Variants in RAB28 observed in about 807,000 individuals in gnomAD.
RAB28 encodes the protein RAB28, member RAS oncogene family, also known as ras-related protein Rab-28.
Under a neutral mutation model 31.7 loss-of-function variants are expected in RAB28, and 24 were observed. The observed-to-expected ratio is 0.76, with a 90% CI of 0.55 to 1.06. The LOEUF is 1.06. Ranked by LOEUF, RAB28 falls within the 50% of genes least tolerant of loss-of-function variation. RAB28 has a pLI of 0.00. For missense variants in RAB28, 254 were observed against 258.5 expected, an observed-to-expected ratio of 0.98 and a Z score of 0.12; for synonymous variants, 100 against 90.4, an observed-to-expected ratio of 1.11 and a Z score of -0.60.
At chr4:13,481,062 A>G (rs1248824065) in intron 1 of RAB28, among the ~76,000 whole-genome samples, 1 of 152,042 alleles carries the variant, frequency 6.6e-6, no homozygotes, top group South Asian at 2.1e-4. Flanking sequence ...CATGTGTAAC[A>G]TTCACGTAAT....
At chr4:13,445,414 G>T (rs1427443191) in intron 4 of RAB28, among the ~76,000 whole-genome samples, 1 of 152,036 alleles carries the variant, frequency 6.6e-6, no homozygotes, top group Non-Finnish European at 1.5e-5. Flanking sequence ...CTGGAGAAGT[G>T]TTGCGATCAT....
chr4:13,422,166 G>C (rs1195097867), intron 4 of RAB28, among the ~76,000 whole-genome samples: 2 of 152,072 alleles, frequency 1.3e-5, no homozygotes, highest in Non-Finnish European at 2.9e-5. Flanking sequence ...CATCATCACT[G>C]GCCATCAGAG....
intron 4 of RAB28, among the ~76,000 whole-genome samples, chr4:13,391,848 T>C (rs938389565): frequency 6.7e-6 from 1 of 149,238 alleles, no homozygotes. Flanking sequence ...AGGTGGGAAC[T>C]GAACAATGAG....
chr4:13,370,993 A>G, intron 6 of RAB28: 1 of 983,912 alleles, frequency 1.0e-6, no homozygotes, highest in Non-Finnish European at 1.2e-6. Flanking sequence ...TATCCATGTG[A>G]TTGCAAATAA....
At position 13,455,102 on chromosome 4, in the gene RAB28, T is replaced by G. The variant is rs138106236; in HGVS notation, c.391+5597A>C. On this transcript the variant is annotated intron_variant, in intron 4 of 6. Transcript: ENST00000330852. ...CACAGTTGCTAGGTCAGCCTGGGGA[T>G]GTATTTGCCAGGGGCAGCCTATGGA... Among the ~76,000 whole-genome samples the G allele has an allele frequency of 6.6e-5, 10 of 152,244 alleles. No individual in the cohort carries two copies. The East Asian group carries it at 1.9e-3, about 29-fold the overall frequency.
chr4:13,419,426 C>T (rs1010006080), intron 4 of RAB28, among the ~76,000 whole-genome samples: 2 of 152,200 alleles, frequency 1.3e-5, no homozygotes, highest in African/African-American at 4.8e-5. Flanking sequence ...GAACTCTCCA[C>T]CCCAAATCAA....
chr4:13,392,859 AAT>A (rs1219006995), intron 4 of RAB28, among the ~76,000 whole-genome samples: 6 of 152,346 alleles, frequency 3.9e-5, no homozygotes, highest in Admixed American at 2.6e-4. Flanking sequence ...GTAAACAATA[AAT>A]ATAGTGAGTG....
chr4:13,373,864 C>T (rs1210420593), intron 6 of RAB28, among the ~76,000 whole-genome samples: 1 of 151,988 alleles, frequency 6.6e-6, no homozygotes, highest in Non-Finnish European at 1.5e-5. Context: ...AAAGTACTTT[C>T]AAACATTCCC....
At position 13,472,831 on chromosome 4, in the gene RAB28, G is replaced by GAATA. The variant is rs56310587; in HGVS notation, c.261+1483_261+1486dup. The stretch of plus-strand genomic sequence containing the variant: ...CTTTAATCAGTTTAAAACAGAAAAT[G>GAATA]AATAAATAAATAAATAAAACAAAAA... On this transcript the variant is annotated intron_variant, in intron 3 of 6. Transcript: ENST00000330852. Among the ~76,000 whole-genome samples the GAATA allele has an allele frequency of 1.7e-3, 257 of 150,290 alleles. 2 individuals carry two copies. The highest frequency in any genetic ancestry group is 5.2e-3 in the African/African-American group (213 of 41,130).
At chr4:13,483,093 T>C (rs1453274273) in intron 1 of RAB28, among the ~76,000 whole-genome samples, 2 of 152,072 alleles carry the variant, frequency 1.3e-5, no homozygotes, top group Non-Finnish European at 2.9e-5. Context: ...GACAGAAGCA[T>C]GGGAAAGAAG....
chr4:13,426,291 C>A (rs954757255), intron 4 of RAB28, among the ~76,000 whole-genome samples: 1 of 152,116 alleles, frequency 6.6e-6, no homozygotes, highest in East Asian at 1.9e-4. Context: ...CAGGTTACCA[C>A]CTCATCTCAT....
intron 4 of RAB28, among the ~76,000 whole-genome samples, chr4:13,427,857 G>A (rs1713594029): frequency 1.3e-5 from 2 of 152,186 alleles, no homozygotes; most frequent in African/African-American, 2.4e-5. Flanking sequence ...AGGACAAGCC[G>A]CGACAAAACC....
chr4:13,401,005 G>A (rs1157519084), intron 4 of RAB28, among the ~76,000 whole-genome samples: 1 of 152,096 alleles, frequency 6.6e-6, no homozygotes, highest in Non-Finnish European at 1.5e-5. Flanking sequence ...ATGTTCATGA[G>A]GAATATTGGT....
chr4:13,479,850 C>A lies in RAB28; in HGVS notation c.76-324G>T, dbSNP rs142321866. On this transcript the variant is annotated intron_variant, in intron 1 of 6. Transcript: ENST00000330852. ...AACTAAAAAATAAATAAATAAAGAT[C>A]TGAATTATTTTAAAACATAATTAAA... is the stretch of plus-strand genomic sequence containing the variant. Among the ~76,000 whole-genome samples, 1,369 of 151,624 alleles carry A rather than the reference C, an allele frequency of 9.0e-3. 10 individuals are homozygous for A. The highest frequency in any genetic ancestry group is 0.015 in the Non-Finnish European group (998 of 67,594).
At chr4:13,481,068 G>A (rs965824576) in intron 1 of RAB28, among the ~76,000 whole-genome samples, 2 of 151,914 alleles carry the variant, frequency 1.3e-5, no homozygotes, top group Non-Finnish European at 2.9e-5. Flanking sequence ...TAACATTCAC[G>A]TAATGTCATT....
At chr4:13,483,042 G>A (rs774241381) in intron 1 of RAB28, among the ~76,000 whole-genome samples, 1 of 152,164 alleles carries the variant, frequency 6.6e-6, no homozygotes, top group Non-Finnish European at 1.5e-5. Context: ...GTACAGGGGT[G>A]ATAAACTTTA....
At chr4:13,428,908 G>C (rs1713658351) in intron 4 of RAB28, among the ~76,000 whole-genome samples, 1 of 149,742 alleles carries the variant, frequency 6.7e-6, no homozygotes, top group Non-Finnish European at 1.5e-5. Flanking sequence ...AAATGCCGAA[G>C]AAGCATTTGG....
At chr4:13,424,010 T>C (rs1034420691) in intron 4 of RAB28, among the ~76,000 whole-genome samples, 2 of 151,956 alleles carry the variant, frequency 1.3e-5, no homozygotes, top group African/African-American at 4.8e-5. Context: ...GTATAACAAA[T>C]GCTCTGTCCG....
At chr4:13,438,125 G>C (rs760478836) in intron 4 of RAB28, among the ~76,000 whole-genome samples, 3 of 152,126 alleles carry the variant, frequency 2.0e-5, no homozygotes, top group Non-Finnish European at 4.4e-5. Context: ...GGATCTTCGA[G>C]TTTCGTATGC....
Sources: allele counts gnomAD v4.1 joint callset (sites outside exome capture counted in the v4.1 genomes callset), GRCh38; gene constraint gnomAD v4.1.1; transcripts MANE v1.5; gene names NCBI Gene and HGNC (gene_info 2026-07-23, HGNC 2026-07-21).